The following WTAP variants were observed in gnomAD, a reference collection of about 807,000 sequenced individuals.
WTAP encodes pre-mRNA-splicing regulator WTAP.
In WTAP, 8 loss-of-function variants were observed where a neutral mutation model predicts 50.0. The ratio of observed to expected loss-of-function variants is 0.16; its 90% CI spans 0.09 to 0.29. The LOEUF (loss-of-function observed/expected upper bound fraction) is 0.29. Among genes scored for constraint, WTAP ranks in the 10% least tolerant of loss-of-function variants. The pLI, the probability that WTAP is intolerant of heterozygous loss-of-function variation, is 1.00. For synonymous variants in WTAP, 194 were observed against 169.0 expected (o/e 1.15, Z -1.15); for missense variants, 295 against 470.7 (o/e 0.63, Z 3.45).
chr6:159,743,079 G>T (rs554760101), intron 4 of WTAP, among the ~76,000 whole-genome samples: 5 of 152,188 alleles, frequency 3.3e-5, no homozygotes, highest in Admixed American at 6.5e-5. Context: ...ACAGGGTCTC[G>T]CACTGTTGCC....
chr6:159,748,274 G>A lies in WTAP; in HGVS notation c.357G>A (p.Leu119=). 1.2e-6 allele frequency: 2 copies of A among 1,614,024 alleles called. No individual in the cohort carries two copies. Among genetic ancestry groups the A allele is most frequent in the Non-Finnish European group, 1.7e-6 (2 of 1,179,960 alleles). ...RSTMVDPAIN[L]FFLKMKGELE... Reference sequence around the variant, plus strand: ...CAATGGTAGACCCAGCGATCAACTTGTTTTTCCTAAAAATGAAAGGTGAAC... The same window carrying A: ...CAATGGTAGACCCAGCGATCAACTTATTTTTCCTAAAAATGAAAGGTGAAC... The change falls in exon 6 of 8, where the codon TTG becomes TTA. Residue 119 remains leucine, a synonymous_variant. Transcript: ENST00000621533. This position sits in a 1 kb window ranked among gnomAD's most constrained non-coding sequence, Gnocchi z 5.6.
At position 159,743,702 on chromosome 6, in the gene WTAP, A is replaced by C. The variant is rs746665780; in HGVS notation, c.183A>C (p.Lys61Asn). Residue 61 changes from lysine to asparagine, a missense_variant, in exon 5 of 8, where the codon AAA becomes AAC. Coordinates refer to ENST00000621533, the MANE Select transcript of WTAP (RefSeq NM_001270531.2). ...DVTGLRESEE[K>N]LKQQQQESAR... ...CTGGCCTAAGAGAGTCTGAAGAAAA[A>C]CTAAAGCAACAACAGCAGGAGTCTG... 6.2e-7 allele frequency: 1 copy of C among 1,613,384 alleles called. No homozygotes were observed. The highest frequency in any genetic ancestry group is 8.5e-7 in the Non-Finnish European group (1 of 1,179,662).
intron 5 of WTAP, among the ~76,000 whole-genome samples, chr6:159,744,683 C>T (rs1437842285): frequency 6.6e-6 from 1 of 152,178 alleles, no homozygotes; most frequent in East Asian, 1.9e-4. Context: ...TTGCTAAAGG[C>T]TGGCTTTTAT....
At chr6:159,726,790 G>A (rs768679457), upstream of WTAP, 16 of 1,289,084 alleles carry the variant, frequency 1.2e-5, no homozygotes, top group Non-Finnish European at 1.6e-5. Flanking sequence ...CCAGCGGCCA[G>A]GAGACTGCGC....
chr6:159,745,272 G>C (rs1260207188), intron 5 of WTAP: 1 of 152,182 alleles, frequency 6.6e-6, no homozygotes, highest in Non-Finnish European at 1.5e-5. Context: ...ACATCACAAT[G>C]TTTGTGCTAT....
At chr6:159,752,697 A>G (rs1779866505) in intron 6 of WTAP, among the ~76,000 whole-genome samples, 1 of 152,166 alleles carries the variant, frequency 6.6e-6, no homozygotes. Flanking sequence ...GCCTCAATTA[A>G]TATAATAGAT....
chr6:159,727,979 G>A (rs1778314058), intron 1 of WTAP, among the ~76,000 whole-genome samples: 2 of 152,256 alleles, frequency 1.3e-5, no homozygotes, highest in African/African-American at 2.4e-5. Flanking sequence ...GGAGGCCGGA[G>A]GATGCCCTCC....
chr6:159,742,413 C>G (rs995814563), intron 4 of WTAP, among the ~76,000 whole-genome samples: 5 of 152,102 alleles, frequency 3.3e-5, no homozygotes, highest in Admixed American at 3.3e-4. Context: ...TGCAGTAACT[C>G]AGAACTACTT....
chr6:159,727,113 C>G, upstream of WTAP: 2 of 1,193,846 alleles, frequency 1.7e-6, no homozygotes, highest in Non-Finnish European at 2.1e-6. Context: ...CCCCTCCCCT[C>G]GGCCGCTTCC....
intron 1 of WTAP, among the ~76,000 whole-genome samples, chr6:159,729,986 A>G (rs1778468594): frequency 1.3e-5 from 2 of 152,322 alleles, no homozygotes; most frequent in African/African-American, 4.8e-5. Flanking sequence ...TTAAGGCATC[A>G]AGAGTAGATG....
chr6:159,735,560 C>T (rs1273886719), intron 1 of WTAP, among the ~76,000 whole-genome samples: 1 of 152,108 alleles, frequency 6.6e-6, no homozygotes, highest in Admixed American at 6.5e-5. Flanking sequence ...ACCAGCCTGA[C>T]CAACACGGTG....
chr6:159,746,280 G>A (rs1779568586), intron 5 of WTAP, among the ~76,000 whole-genome samples: 1 of 152,212 alleles, frequency 6.6e-6, no homozygotes, highest in South Asian at 2.1e-4. Context: ...TACTATAGGA[G>A]TTTGGAGGGA....
At chr6:159,733,644 C>G (rs1778726579) in intron 1 of WTAP, among the ~76,000 whole-genome samples, 1 of 151,600 alleles carries the variant, frequency 6.6e-6, no homozygotes, top group Admixed American at 6.6e-5. Flanking sequence ...GCCCAGCACG[C>G]TGGCTCATGC....
Position 159,748,543 on chromosome 6 carries a change from G to C in WTAP, c.452+174G>C. The C allele has an allele frequency of 1.1e-5, 15 of 1,367,814 alleles. No individual in the cohort carries two copies. The highest frequency in any genetic ancestry group is 1.5e-5 in the African/African-American group (1 of 67,698). The allele number at this position is 1,367,814 out of a possible 1,614,324, so 84.7% of individuals were successfully genotyped here. A position where few individuals can be genotyped will look rare whatever the true frequency, so the allele number is the denominator to read the frequency against. ...ATGGTTAATGTAAAACTTACCAGAT[G>C]AACCTTGTGTTTCAGCTTTTTTCTT... is the stretch of plus-strand genomic sequence containing the variant. On this transcript the variant is annotated intron_variant, in intron 6 of 7. Coordinates refer to ENST00000621533, the MANE Select transcript of WTAP (RefSeq NM_001270531.2). This position sits in a 1 kb window ranked among gnomAD's most constrained non-coding sequence, Gnocchi z 5.6.
At chr6:159,752,351 C>T (rs1174476359) in intron 6 of WTAP, among the ~76,000 whole-genome samples, 1 of 151,522 alleles carries the variant, frequency 6.6e-6, no homozygotes. Context: ...GTGATCATTT[C>T]TTTTTTTTTC....
At chr6:159,735,902 T>C (rs1778884139) in intron 1 of WTAP, among the ~76,000 whole-genome samples, 1 of 152,128 alleles carries the variant, frequency 6.6e-6, no homozygotes, top group African/African-American at 2.4e-5. Context: ...CTTAGCAACA[T>C]GCGTAGGATA....
intron 6 of WTAP, chr6:159,749,162 G>A (rs1226438554): frequency 1.0e-6 from 1 of 985,818 alleles, no homozygotes; most frequent in African/African-American, 1.7e-5. Flanking sequence ...AAACATGAAG[G>A]TGTGGTATCA....
rs1779976647 is a variant in WTAP, at chr6:159,755,697, T to A, written c.*86T>A. Reference sequence around the variant, plus strand: ...AATTAATGCATACTTTTGTCACAATTTGCCTTTTTGTGGGTGTACGTTTTG... The same window carrying A: ...AATTAATGCATACTTTTGTCACAATATGCCTTTTTGTGGGTGTACGTTTTG... On this transcript the variant is annotated 3_prime_UTR_variant, in exon 8 of 8. Transcript: ENST00000621533. 7.6e-7 allele frequency: 1 copy of A among 1,312,512 alleles called. No homozygotes were observed. Among genetic ancestry groups the A allele is most frequent in the Non-Finnish European group, 9.7e-7 (1 of 1,032,458 alleles). 81.3% of individuals were successfully genotyped at this position (1,312,512 alleles called of 1,614,324 possible).
At chr6:159,738,911 G>C (rs1779077981) in intron 2 of WTAP, 79 bp from the exon 3 acceptor site, 3 of 1,020,992 alleles carry the variant, frequency 2.9e-6, no homozygotes. Context: ...TCACACTTGG[G>C]AGATGTTTCA....
Sources: allele counts gnomAD v4.1 joint callset (sites outside exome capture counted in the v4.1 genomes callset), GRCh38; gene constraint gnomAD v4.1.1; non-coding constraint Gnocchi (gnomAD v3.1); transcripts MANE v1.5; gene names NCBI Gene and HGNC (gene_info 2026-07-23, HGNC 2026-07-21).